DPF3: variants seen among roughly 807,000 people sequenced by gnomAD.
The protein encoded by DPF3 is zinc finger protein DPF3.
DPF3 carries 18 observed loss-of-function variants against 56.8 expected under a neutral mutation model. The ratio of observed to expected loss-of-function variants is 0.32; its 90% CI spans 0.22 to 0.47. DPF3 has a LOEUF of 0.47. DPF3 is among the 20% of genes least tolerant of loss of function. DPF3 has a pLI of 1.00. For missense variants in DPF3, 403 were observed against 488.8 expected (o/e 0.82, Z 1.65); for synonymous variants, 188 against 180.2 (o/e 1.04, Z -0.35).
At chr14:72,628,754 A>G (rs900604622) in intron 9 of DPF3, among the ~76,000 whole-genome samples, 1 of 152,174 alleles carries the variant, frequency 6.6e-6, no homozygotes, top group Non-Finnish European at 1.5e-5. Flanking sequence ...AACAATTGAC[A>G]AGAAATTCAA....
At chr14:72,891,650 ACGTGTGTG>A (rs1403959731) in intron 1 of DPF3, among the ~76,000 whole-genome samples, 1 of 152,068 alleles carries the variant, frequency 6.6e-6, no homozygotes, top group African/African-American at 2.4e-5. Flanking sequence ...CCCAATAACA[ACGTGTGTG>A]CTCCTGCGTT....
intron 8 of DPF3, among the ~76,000 whole-genome samples, chr14:72,657,851 A>G (rs1886100689): frequency 6.6e-6 from 1 of 152,196 alleles, no homozygotes; most frequent in African/African-American, 2.4e-5. Context: ...ACAAAGCCTT[A>G]AATATTTACT....
chr14:72,742,956 G>A (rs763693151), intron 3 of DPF3, among the ~76,000 whole-genome samples: 4 of 152,070 alleles, frequency 2.6e-5, no homozygotes, highest in South Asian at 2.1e-4. Flanking sequence ...AGGTCCCTAC[G>A]ACTTGCTTGT....
chr14:72,633,855 G>A lies in DPF3; in HGVS notation c.872-4119C>T, dbSNP rs554660343. Among the ~76,000 whole-genome samples, 8 of 152,288 alleles carry A rather than the reference G, an allele frequency of 5.3e-5. No homozygotes were observed. The South Asian group carries it at 1.5e-3, about 28-fold the overall frequency. ...CCAATATTTATCGAGAGCCAGCTCT[G>A]TGTCTTAGTTCTCTAAGACTCCTGT... On this transcript the variant is annotated intron_variant, in intron 8 of 10. Transcript: ENST00000556509.
intron 1 of DPF3, among the ~76,000 whole-genome samples, chr14:72,882,191 A>G (rs1886351234): frequency 1.3e-5 from 2 of 152,232 alleles, no homozygotes; most frequent in African/African-American, 4.8e-5. Flanking sequence ...GGAAGAAAAG[A>G]CAGAAAAGAT....
intron 2 of DPF3, among the ~76,000 whole-genome samples, chr14:72,765,093 G>C (rs1191522255): frequency 6.6e-6 from 1 of 152,188 alleles, no homozygotes; most frequent in Non-Finnish European, 1.5e-5. Context: ...TAAAAGTATA[G>C]AGAATAAAAC....
chr14:72,617,217 C>G lies in DPF3; in HGVS notation c.*2080G>C, dbSNP rs1350702395. ...GAGGACGTGTGAAGTTGTAGAGCCA[C>G]AGTTTGGGGTTTCGGACTTGCTTTT... On this transcript the variant is annotated 3_prime_UTR_variant, in exon 11 of 11. Coordinates refer to ENST00000556509, the MANE Select transcript of DPF3 (RefSeq NM_001280542.3). Among the ~76,000 whole-genome samples the G allele has an allele frequency of 1.3e-5, 2 of 152,240 alleles. No individual in the cohort carries two copies. The highest frequency in any genetic ancestry group is 2.9e-5 in the Non-Finnish European group (2 of 68,044).
intron 8 of DPF3, among the ~76,000 whole-genome samples, chr14:72,650,797 C>T (rs1023231649): frequency 2.0e-5 from 3 of 152,162 alleles, no homozygotes; most frequent in Non-Finnish European, 2.9e-5. Context: ...GCGTCTCCCT[C>T]CAAGACAGGA....
intron 1 of DPF3, among the ~76,000 whole-genome samples, chr14:72,877,150 G>A (rs1211124315): frequency 6.6e-6 from 1 of 152,212 alleles, no homozygotes; most frequent in East Asian, 1.9e-4. Context: ...GGGCCTTGGG[G>A]CAGCTTAGCT....
chr14:72,792,516 C>T (rs1892480624), intron 1 of DPF3, among the ~76,000 whole-genome samples: 1 of 152,180 alleles, frequency 6.6e-6, no homozygotes, highest in Middle Eastern at 3.2e-3. Flanking sequence ...CACACACACA[C>T]CCCACAGCGC....
intron 7 of DPF3, among the ~76,000 whole-genome samples, chr14:72,690,712 A>C (rs1324995199): frequency 6.6e-6 from 1 of 152,176 alleles, no homozygotes; most frequent in Non-Finnish European, 1.5e-5. Context: ...AGACACAGAC[A>C]GACAAGAAGC....
intron 8 of DPF3, among the ~76,000 whole-genome samples, chr14:72,645,193 C>G (rs902969830): frequency 6.6e-6 from 1 of 152,182 alleles, no homozygotes; most frequent in African/African-American, 2.4e-5. Flanking sequence ...ATCACAACAG[C>G]TAAGACCCAA....
chr14:72,766,748 C>A (rs1891304421), intron 2 of DPF3, among the ~76,000 whole-genome samples: 2 of 152,210 alleles, frequency 1.3e-5, no homozygotes, highest in African/African-American at 2.4e-5. Flanking sequence ...CTGTGTCCAG[C>A]CCGATCTTGG....
intron 3 of DPF3, among the ~76,000 whole-genome samples, chr14:72,746,470 G>A (rs574325233): frequency 1.3e-5 from 2 of 152,222 alleles, no homozygotes; most frequent in African/African-American, 2.4e-5. Flanking sequence ...AGGGTTTGTG[G>A]GGGTTGTTTC....
At chr14:72,745,762 T>C (rs953565670) in intron 3 of DPF3, among the ~76,000 whole-genome samples, 1 of 152,172 alleles carries the variant, frequency 6.6e-6, no homozygotes, top group Non-Finnish European at 1.5e-5. Context: ...CTCTGGCCAA[T>C]GACTCTATCC....
intron 8 of DPF3, among the ~76,000 whole-genome samples, chr14:72,642,760 C>A (rs1885600216): frequency 6.6e-6 from 1 of 152,172 alleles, no homozygotes; most frequent in African/African-American, 2.4e-5. Context: ...TCTCTCACCT[C>A]CAACAAGCCT....
At chr14:72,801,221 G>C (rs909261536) in intron 1 of DPF3, among the ~76,000 whole-genome samples, 1 of 152,202 alleles carries the variant, frequency 6.6e-6, no homozygotes, top group Non-Finnish European at 1.5e-5. Flanking sequence ...GCAGGCACTG[G>C]GTTTTGGTGT....
In DPF3 at chr14:72,662,140, CTT is replaced by C. The variant is rs1173966392; in HGVS notation, c.871+12098_871+12099del. ...TAACATCACCAACACTTTCAATAGA[CTT>C]TTGAAGGAGGAAAAAAAAACTGAGC... is the stretch of plus-strand genomic sequence containing the variant. On this transcript the variant is annotated intron_variant, in intron 8 of 10. Coordinates refer to ENST00000556509, the MANE Select transcript of DPF3 (RefSeq NM_001280542.3). 5 of 985,060 alleles carry C rather than the reference CTT, an allele frequency of 5.1e-6. No individual in the cohort carries two copies. In the East Asian group the frequency reaches 4.5e-4, roughly 89 times the overall value. The allele number at this position is 985,060 out of a possible 1,614,324, so 61.0% of individuals were successfully genotyped here.
chr14:72,750,810 A>AAC (rs1825148828), intron 3 of DPF3, among the ~76,000 whole-genome samples: 2 of 151,148 alleles, frequency 1.3e-5, no homozygotes, highest in Non-Finnish European at 1.5e-5. Context: ...AAAAAAAAAA[A>AAC]AAAAAAACCT....
Sources: allele counts gnomAD v4.1 joint callset (sites outside exome capture counted in the v4.1 genomes callset), GRCh38; gene constraint gnomAD v4.1.1; transcripts MANE v1.5; gene names NCBI Gene and HGNC (gene_info 2026-07-23, HGNC 2026-07-21).